The following CDH12 variants were observed in gnomAD, a reference collection of about 807,000 sequenced individuals.
The protein encoded by CDH12 is cadherin-12.
In CDH12, 41 loss-of-function variants were observed where a neutral mutation model predicts 74.1. The ratio of observed to expected loss-of-function variants is 0.55; its 90% CI spans 0.43 to 0.72. CDH12 has a LOEUF of 0.72. Among genes scored for constraint, CDH12 ranks in the 30% least tolerant of loss-of-function variants. The pLI is 0.00. For synonymous variants in CDH12, 399 were observed against 355.0 expected (o/e 1.12, Z -1.39); for missense variants, 945 against 977.2 (o/e 0.97, Z 0.44).
chr5:21,888,441 G>T (rs1752742670), intron 6 of CDH12, among the ~76,000 whole-genome samples: 1 of 152,048 alleles, frequency 6.6e-6, no homozygotes, highest in Non-Finnish European at 1.5e-5. Context: ...GAAACAATTT[G>T]CAACGTTTCC....
chr5:22,249,843 C>A (rs1379229810), intron 3 of CDH12, among the ~76,000 whole-genome samples: 1 of 146,816 alleles, frequency 6.8e-6, no homozygotes, highest in Non-Finnish European at 1.5e-5. Flanking sequence ...ATTTTAATTG[C>A]AATGGATTAT....
intron 3 of CDH12, among the ~76,000 whole-genome samples, chr5:22,293,223 C>T (rs534500735): frequency 1.3e-4 from 20 of 152,238 alleles, no homozygotes; most frequent in South Asian, 4.1e-4. Context: ...CCCCAGCCAA[C>T]GGGGACCGGA....
chr5:22,264,814 T>A (rs1465038655), intron 3 of CDH12, among the ~76,000 whole-genome samples: 3 of 152,178 alleles, frequency 2.0e-5, no homozygotes, highest in Non-Finnish European at 4.4e-5. Context: ...GTAACTTTCC[T>A]GGTAGTGCTT....
At chr5:22,572,582 T>TA (rs1449165715) in intron 1 of CDH12, among the ~76,000 whole-genome samples, 1 of 152,124 alleles carries the variant, frequency 6.6e-6, no homozygotes, top group Non-Finnish European at 1.5e-5. Flanking sequence ...TAAAACTGTC[T>TA]AAAAAGCAAA....
intron 2 of CDH12, among the ~76,000 whole-genome samples, chr5:22,421,130 T>C (rs1414780966): frequency 1.3e-5 from 2 of 152,200 alleles, no homozygotes; most frequent in Non-Finnish European, 2.9e-5. Context: ...GATCATGTAA[T>C]CTGCAAACAG....
intron 3 of CDH12, among the ~76,000 whole-genome samples, chr5:22,261,222 T>C (rs902167098): frequency 6.6e-6 from 1 of 151,894 alleles, no homozygotes; most frequent in Non-Finnish European, 1.5e-5. Flanking sequence ...TACATATTAC[T>C]CGTTCACAAA....
intron 1 of CDH12, among the ~76,000 whole-genome samples, chr5:22,671,387 G>GATGGAAAAT (rs1740891500): frequency 6.6e-6 from 1 of 152,096 alleles, no homozygotes; most frequent in African/African-American, 2.4e-5. Context: ...CAAATATACA[G>GATGGAAAAT]ACAGTAGATG....
chr5:22,418,415 C>A (rs746174020), intron 2 of CDH12, among the ~76,000 whole-genome samples: 1 of 152,140 alleles, frequency 6.6e-6, no homozygotes, highest in African/African-American at 2.4e-5. Context: ...GACTTCCTCT[C>A]TTCCTATTTG....
At chr5:22,407,050 A>G (rs1457912568) in intron 2 of CDH12, among the ~76,000 whole-genome samples, 2 of 152,056 alleles carry the variant, frequency 1.3e-5, no homozygotes, top group East Asian at 1.9e-4. Flanking sequence ...TTTGGCTTCA[A>G]TTCTGTTCTT....
intron 4 of CDH12, among the ~76,000 whole-genome samples, chr5:22,184,165 G>A (rs1749801646): frequency 1.3e-5 from 2 of 152,174 alleles, no homozygotes; most frequent in South Asian, 2.1e-4. Context: ...GGCAATAATG[G>A]CTACTCTTAA....
intron 4 of CDH12, among the ~76,000 whole-genome samples, chr5:22,136,914 A>G (rs1289584372): frequency 1.3e-5 from 2 of 151,882 alleles, no homozygotes; most frequent in Non-Finnish European, 2.9e-5. Flanking sequence ...AATTAAATAA[A>G]TTAATAAAAT....
At chr5:21,998,643 T>A (rs1227081595) in intron 5 of CDH12, among the ~76,000 whole-genome samples, 2 of 152,146 alleles carry the variant, frequency 1.3e-5, no homozygotes, top group African/African-American at 4.8e-5. Context: ...TGATGTTAGA[T>A]CTTTATAAAA....
intron 3 of CDH12, among the ~76,000 whole-genome samples, chr5:22,332,708 T>C (rs7716907): frequency 0.04 from 6,040 of 151,984 alleles, 401 homozygotes; most frequent in African/African-American, 0.14. Context: ...AAAAAACATA[T>C]GAAAAAAAGC....
chr5:22,585,385 T>C (rs968593420), intron 1 of CDH12, among the ~76,000 whole-genome samples: 1 of 152,188 alleles, frequency 6.6e-6, no homozygotes, highest in African/African-American at 2.4e-5. Context: ...CTCTTTTTTT[T>C]ACCTATACTG....
intron 1 of CDH12, among the ~76,000 whole-genome samples, chr5:22,738,268 G>A (rs1744844971): frequency 6.6e-6 from 1 of 151,992 alleles, no homozygotes; most frequent in Non-Finnish European, 1.5e-5. Context: ...TATGGTAATG[G>A]TCTAATTTTA....
At chr5:21,773,479 G>A (rs766338041) in intron 11 of CDH12, among the ~76,000 whole-genome samples, 26 of 152,098 alleles carry the variant, frequency 1.7e-4, no homozygotes, top group Non-Finnish European at 3.4e-4. Flanking sequence ...TCCTGCCCTC[G>A]AACATCAGAC....
At chr5:22,539,362 A>G (rs1737997729) in intron 1 of CDH12, among the ~76,000 whole-genome samples, 1 of 152,208 alleles carries the variant, frequency 6.6e-6, no homozygotes, top group African/African-American at 2.4e-5. Context: ...CATCACCAAG[A>G]AAGGTGTTAA....
intron 1 of CDH12, among the ~76,000 whole-genome samples, chr5:22,658,986 C>A (rs978272074): frequency 3.3e-5 from 5 of 152,046 alleles, no homozygotes; most frequent in Non-Finnish European, 7.4e-5. Context: ...TTGTCAATTG[C>A]AGTAACAAGT....
At chr5:22,427,900 TG>T (rs1319205904) in intron 2 of CDH12, among the ~76,000 whole-genome samples, 2 of 152,200 alleles carry the variant, frequency 1.3e-5, no homozygotes, top group Non-Finnish European at 2.9e-5. Context: ...AAAGTCATTT[TG>T]TGAAATATCA....
Sources: gnomAD v4.1 joint callset for allele counts (sites outside exome capture counted in the v4.1 genomes callset) on GRCh38, gnomAD v4.1.1 for gene constraint, MANE v1.5 for transcripts, NCBI Gene and HGNC (gene_info 2026-07-23, HGNC 2026-07-21) for gene names.